The following GABRB1 variants were observed in gnomAD, a reference collection of about 807,000 sequenced individuals.
The protein encoded by GABRB1 is gamma-aminobutyric acid type A receptor subunit beta1.
Under a neutral mutation model 51.6 loss-of-function variants are expected in GABRB1, and 17 were observed. That is an observed-to-expected ratio of 0.33 (90% CI 0.23 to 0.49). The LOEUF is 0.49. Among genes scored for constraint, GABRB1 ranks in the 20% least tolerant of loss-of-function variants. The pLI is 0.99. For synonymous variants in GABRB1, 247 were observed against 218.9 expected (o/e 1.13, Z -1.14); for missense variants, 410 against 600.6 (o/e 0.68, Z 3.32).
At chr4:47,033,991 T>C (rs1430336128) in intron 3 of GABRB1, among the ~76,000 whole-genome samples, 2 of 152,154 alleles carry the variant, frequency 1.3e-5, no homozygotes, top group Admixed American at 1.3e-4. Context: ...TGTAATAATA[T>C]GTGCCTAATC....
At chr4:47,156,589 T>G (rs1717709300) in intron 3 of GABRB1, among the ~76,000 whole-genome samples, 1 of 152,128 alleles carries the variant, frequency 6.6e-6, no homozygotes, top group Non-Finnish European at 1.5e-5. Flanking sequence ...ATGTTACCTT[T>G]ATTCTCCAAA....
At chr4:47,343,674 A>C (rs2109989834) in intron 5 of GABRB1, among the ~76,000 whole-genome samples, 1 of 152,246 alleles carries the variant, frequency 6.6e-6, no homozygotes, top group Non-Finnish European at 1.5e-5. Flanking sequence ...AGACTTAGAA[A>C]TTTGCAGCCT....
intron 4 of GABRB1, among the ~76,000 whole-genome samples, chr4:47,265,788 C>A (rs148405503): frequency 2.0e-5 from 3 of 151,860 alleles, no homozygotes; most frequent in African/African-American, 4.8e-5. Flanking sequence ...CTACGGGGGT[C>A]ATTTGTTTTT....
intron 4 of GABRB1, among the ~76,000 whole-genome samples, chr4:47,272,625 C>T (rs1187905376): frequency 2.6e-5 from 4 of 151,954 alleles, no homozygotes; most frequent in Non-Finnish European, 4.4e-5. Context: ...AAATAATTCA[C>T]CCTAGATGTC....
chr4:47,010,151 A>T (rs1340808525), intron 1 of GABRB1, among the ~76,000 whole-genome samples: 1 of 152,236 alleles, frequency 6.6e-6, no homozygotes, highest in African/African-American at 2.4e-5. Context: ...TGAGTGGCAC[A>T]CACTGTCTTG....
intron 3 of GABRB1, among the ~76,000 whole-genome samples, chr4:47,041,462 C>A (rs1725832148): frequency 6.6e-6 from 1 of 152,058 alleles, no homozygotes; most frequent in African/African-American, 2.4e-5. Context: ...TCTTTCCCTA[C>A]CTCTACTGAA....
chr4:47,126,871 A>C (rs1372798096), intron 3 of GABRB1, among the ~76,000 whole-genome samples: 1 of 152,068 alleles, frequency 6.6e-6, no homozygotes, highest in Non-Finnish European at 1.5e-5. Flanking sequence ...ATGAAGCCAA[A>C]CCAGTAGAAA....
At chr4:47,190,307 G>C (rs981466536) in intron 4 of GABRB1, among the ~76,000 whole-genome samples, 2 of 152,106 alleles carry the variant, frequency 1.3e-5, no homozygotes, top group Non-Finnish European at 2.9e-5. Flanking sequence ...ACTGCCACCT[G>C]TTCTCTGCTA....
chr4:47,095,055 T>A (rs1714340514), intron 3 of GABRB1, among the ~76,000 whole-genome samples: 1 of 152,054 alleles, frequency 6.6e-6, no homozygotes, highest in African/African-American at 2.4e-5. Flanking sequence ...GAACAGTATT[T>A]GAATGAAGAT....
chr4:47,048,323 A>G (rs997467829), intron 3 of GABRB1, among the ~76,000 whole-genome samples: 1 of 152,068 alleles, frequency 6.6e-6, no homozygotes, highest in Non-Finnish European at 1.5e-5. Context: ...ACTCAAACTT[A>G]TATCTCAGAA....
At chr4:47,291,522 A>T (rs1355135935) in intron 4 of GABRB1, among the ~76,000 whole-genome samples, 1 of 152,154 alleles carries the variant, frequency 6.6e-6, no homozygotes, top group Admixed American at 6.5e-5. Flanking sequence ...AAGTAGATTC[A>T]CCAACAGCTT....
chr4:47,082,707 G>A (rs542215042), intron 3 of GABRB1, among the ~76,000 whole-genome samples: 7 of 151,942 alleles, frequency 4.6e-5, no homozygotes, highest in Middle Eastern at 3.4e-3. Context: ...GGGATACTGG[G>A]GTATACTGTT....
At chr4:47,320,874 A>G (rs1366686916) in intron 5 of GABRB1, among the ~76,000 whole-genome samples, 3 of 146,122 alleles carry the variant, frequency 2.1e-5, no homozygotes, top group African/African-American at 7.6e-5. Context: ...GGTTCACGCC[A>G]TTCTCCTGCC....
At chr4:47,032,117 C>G (rs1725334577) in intron 2 of GABRB1, 112 bp downstream of exon 2, 1 of 650,612 alleles carries the variant, frequency 1.5e-6, no homozygotes. Context: ...TAAGCGTGCA[C>G]TATACCCTGG....
chr4:47,272,764 A>G (rs1243389964), intron 4 of GABRB1, among the ~76,000 whole-genome samples: 1 of 152,186 alleles, frequency 6.6e-6, no homozygotes, highest in Non-Finnish European at 1.5e-5. Context: ...TTATTTAACT[A>G]CTAATCTATT....
chr4:47,286,942 G>A (rs891581901), intron 4 of GABRB1, among the ~76,000 whole-genome samples: 12 of 152,274 alleles, frequency 7.9e-5, no homozygotes, highest in South Asian at 2.1e-4. Flanking sequence ...TTCTGACCCC[G>A]CATGTGCTCT....
At chr4:47,188,238 A>G (rs988432274) in intron 4 of GABRB1, among the ~76,000 whole-genome samples, 6 of 152,014 alleles carry the variant, frequency 3.9e-5, no homozygotes, top group Admixed American at 2.6e-4. Flanking sequence ...CAGTCAAATT[A>G]ACATCTTTTT....
At chr4:47,211,170 G>T (rs1720339431) in intron 4 of GABRB1, among the ~76,000 whole-genome samples, 1 of 152,052 alleles carries the variant, frequency 6.6e-6, no homozygotes, top group South Asian at 2.1e-4. Flanking sequence ...ATCATAATCG[G>T]TTTTGGTGAC....
chr4:47,231,657 C>A (rs1298093301), intron 4 of GABRB1, among the ~76,000 whole-genome samples: 1 of 152,128 alleles, frequency 6.6e-6, no homozygotes, highest in African/African-American at 2.4e-5. Flanking sequence ...ACTAGATTAC[C>A]TTTTCATATT....
Sources: gnomAD v4.1 joint callset for allele counts (sites outside exome capture counted in the v4.1 genomes callset) on GRCh38, gnomAD v4.1.1 for gene constraint, MANE v1.5 for transcripts, NCBI Gene and HGNC (gene_info 2026-07-23, HGNC 2026-07-21) for gene names.